The following DOCK6 variants were observed in gnomAD, a reference collection of about 807,000 sequenced individuals.
The protein encoded by DOCK6 is dedicator of cytokinesis 6, also known as dedicator of cytokinesis protein 6.
Under a neutral mutation model 230.3 loss-of-function variants are expected in DOCK6, and 167 were observed. The ratio of observed to expected loss-of-function variants is 0.73; its 90% CI spans 0.64 to 0.82. The LOEUF is 0.82. DOCK6 is among the 40% of genes least tolerant of loss of function. DOCK6 has a pLI of 0.00. For missense variants in DOCK6, 2,598 were observed against 2,825.8 expected (o/e 0.92, Z 1.83); for synonymous variants, 1,148 against 1,185.0 (o/e 0.97, Z 0.64).
In DOCK6 at chr19:11,200,817, G is replaced by A. The variant is rs886552931; in HGVS notation, c.5838C>T (p.Pro1946=). 59 of 1,612,496 alleles carry A rather than the reference G, an allele frequency of 3.7e-5. No homozygotes were observed. Among genetic ancestry groups the A allele is most frequent in the Non-Finnish European group, 5.0e-5 (59 of 1,178,828 alleles). The change falls in exon 46 of 48, where the codon CCC becomes CCT. Residue 1946 remains proline, a synonymous_variant. Coordinates refer to ENST00000294618, the MANE Select transcript of DOCK6 (RefSeq NM_020812.4). This position sits in a 1 kb window ranked among gnomAD's most constrained non-coding sequence, Gnocchi z 4.3. ...GSVGPTVNQG[P]LEVAQVFLAE... ...CTAAAAACACCTGGGCCACCTCCAG[G>A]GGACCCTGTGGGGTGAGAGGGACTG...
chr19:11,245,551 C>G lies in DOCK6; in HGVS notation c.1023+12G>C. 1 of 1,552,778 alleles carries G rather than the reference C, an allele frequency of 6.4e-7. No individual in the cohort carries two copies. The highest frequency in any genetic ancestry group is 8.7e-7 in the Non-Finnish European group (1 of 1,147,624). On this transcript the variant is annotated intron_variant, in intron 9 of 47. Transcript: ENST00000294618. ...CGCCATTACCACCCCCTTGCCCAGC[C>G]CCAGCAGGCACCTTGATGACCAGGA... is the stretch of plus-strand genomic sequence containing the variant.
At chr19:11,253,034 G>A (rs1377616734) in intron 2 of DOCK6, 76 bp from the exon 3 acceptor site, 32 of 1,431,488 alleles carry the variant, frequency 2.2e-5, no homozygotes, top group Middle Eastern at 1.8e-4. Context: ...GGGTGGGTGC[G>A]CGCTGGCTTC....
chr19:11,254,318 G>A (rs568574068), intron 1 of DOCK6, among the ~76,000 whole-genome samples: 14 of 152,332 alleles, frequency 9.2e-5, no homozygotes, highest in Admixed American at 3.3e-4. Flanking sequence ...CCCAGAGCTG[G>A]GAGGCCTTCT....
At chr19:11,205,281 G>A (rs1428912192) in intron 39 of DOCK6, among the ~76,000 whole-genome samples, 4 of 152,036 alleles carry the variant, frequency 2.6e-5, no homozygotes, top group African/African-American at 7.3e-5. Flanking sequence ...AGGTATACAC[G>A]TGCCATGGTG....
chr19:11,227,257 G>C lies in DOCK6; in HGVS notation c.2955+80C>G, dbSNP rs2079680252. 4.5e-6 allele frequency: 7 copies of C among 1,564,554 alleles called. No individual in the cohort carries two copies. The Middle Eastern group carries it at 5.1e-4, about 114-fold the overall frequency. ...CTGGTCTTACGGCCAGGAGACACTGGGCAGGATTGGCGCCCCCACCTGGCT... is the reference window on the plus strand; with the variant it reads ...CTGGTCTTACGGCCAGGAGACACTGCGCAGGATTGGCGCCCCCACCTGGCT... On this transcript the variant is annotated intron_variant, in intron 24 of 47. Transcript: ENST00000294618.
rs35111959 is a variant in DOCK6, at chr19:11,257,152, A to AATTATT, written c.45-3432_45-3427dup. 5.1e-3 allele frequency among the ~76,000 whole-genome samples: 750 copies of AATTATT among 146,668 alleles called. 8 individuals are homozygous for AATTATT. The highest frequency in any genetic ancestry group is 0.012 in the African/African-American group (487 of 40,038). On this transcript the variant is annotated intron_variant, in intron 1 of 47. Coordinates refer to ENST00000294618, the MANE Select transcript of DOCK6 (RefSeq NM_020812.4). Reference sequence around the variant, plus strand: ...CTGATGCACACCACCATGCTTGGCTAATTATTATTATTATTATTATTATTT... The same window carrying AATTATT: ...CTGATGCACACCACCATGCTTGGCTAATTATTATTATTATTATTATTATTATTATTT...
chr19:11,252,061 C>T, intron 5 of DOCK6, 58 bp downstream of exon 5: 2 of 1,559,366 alleles, frequency 1.3e-6, no homozygotes, highest in South Asian at 2.4e-5. Context: ...TGACCAAAAG[C>T]TGAGGCCGGA....
chr19:11,226,659 A>G (rs1169958393), intron 24 of DOCK6, among the ~76,000 whole-genome samples: 1 of 152,240 alleles, frequency 6.6e-6, no homozygotes, highest in Non-Finnish European at 1.5e-5. Flanking sequence ...ACTCTGTCTC[A>G]GAAAAAAAAC....
At chr19:11,248,253 T>A in intron 6 of DOCK6, 102 bp from the exon 7 acceptor site, 2 of 855,578 alleles carry the variant, frequency 2.3e-6, no homozygotes, top group Non-Finnish European at 3.6e-6. Flanking sequence ...CCAGCCTGAC[T>A]AACCGTCTTT....
rs2080156839 is a variant in DOCK6 at position 11,253,678 on chromosome 19, GCCACTGCGT to G, written c.84_92del (p.Glu28_Gly31delinsAsp). On this transcript the variant is annotated inframe_deletion, in exon 2 of 48. Coordinates refer to ENST00000294618, the MANE Select transcript of DOCK6 (RefSeq NM_020812.4). The stretch of plus-strand genomic sequence containing the variant: ...TGCAGCGCCTGCTGGAGTGGGGGGA[GCCACTGCGT>G]TCCCGGGACACCTGCTTCCGCACCT... 1 of 1,467,268 alleles carries G rather than the reference GCCACTGCGT, an allele frequency of 6.8e-7. No homozygotes were observed. Among genetic ancestry groups the G allele is most frequent in the Non-Finnish European group, 9.0e-7 (1 of 1,116,220 alleles). 90.9% of individuals were successfully genotyped at this position (1,467,268 alleles called of 1,614,324 possible). A position where few individuals can be genotyped will look rare whatever the true frequency, so the allele number is the denominator to read the frequency against.
Position 11,201,149 on chromosome 19 carries a change from G to A in DOCK6, c.5689-97C>T, listed in dbSNP as rs2079163175. ...GCTCAGACCCCGCTGGGAGTGAGAG[G>A]GGTCCAAGAACCCAGGCAATGAACA... On this transcript the variant is annotated intron_variant, in intron 44 of 47. Coordinates refer to ENST00000294618, the MANE Select transcript of DOCK6 (RefSeq NM_020812.4). The surrounding 1 kb of genome is among the most constrained non-coding windows in gnomAD (Gnocchi z 4.3). 1 of 1,468,986 alleles carries A rather than the reference G, an allele frequency of 6.8e-7. No individual in the cohort carries two copies. Among genetic ancestry groups the A allele is most frequent in the Non-Finnish European group, 9.2e-7 (1 of 1,082,862 alleles). The allele number at this position is 1,468,986 out of a possible 1,614,324, so 91.0% of individuals were successfully genotyped here. A position where few individuals can be genotyped will look rare whatever the true frequency, so the allele number is the denominator to read the frequency against.
At chr19:11,217,467 T>C in intron 28 of DOCK6, 76 bp from the exon 29 acceptor site, 1 of 1,539,978 alleles carries the variant, frequency 6.5e-7, no homozygotes, top group Non-Finnish European at 8.8e-7. Flanking sequence ...TCAGAAGTCT[T>C]CCCTCATGGC....
At chr19:11,227,581 A>C in intron 23 of DOCK6, 104 bp from the exon 24 acceptor site, 5 of 1,206,264 alleles carry the variant, frequency 4.1e-6, no homozygotes, top group African/African-American at 3.9e-5. Flanking sequence ...GGCTTGAAGG[A>C]CTGTGGGTGG....
chr19:11,233,403 C>T (rs1186243863), intron 21 of DOCK6, 37 bp from the exon 22 acceptor site: 1 of 1,596,974 alleles, frequency 6.3e-7, no homozygotes. Context: ...CACCCACCCA[C>T]CTGATGTGAT....
Position 11,214,539 on chromosome 19 carries a change from G to A in DOCK6, c.4203+14C>T, listed in dbSNP as rs1475647852. The A allele has an allele frequency of 3.1e-6, 5 of 1,613,710 alleles. No homozygotes were observed. The highest frequency in any genetic ancestry group is 3.4e-6 in the Non-Finnish European group (4 of 1,179,826). ...GGGCTCAGAGCACAAGGCAGATGCTGGATCAAGCCCTACCTGCACGATGAT... is the reference window on the plus strand; with the variant it reads ...GGGCTCAGAGCACAAGGCAGATGCTAGATCAAGCCCTACCTGCACGATGAT... On this transcript the variant is annotated intron_variant, in intron 33 of 47. Coordinates refer to ENST00000294618, the MANE Select transcript of DOCK6 (RefSeq NM_020812.4).
chr19:11,227,625 A>G (rs1479503748), intron 23 of DOCK6, 148 bp from the exon 24 acceptor site: 4 of 932,728 alleles, frequency 4.3e-6, no homozygotes, highest in Non-Finnish European at 6.2e-6. Context: ...GAGGCTTGAC[A>G]GGAGGGGCGG....
chr19:11,213,951 A>C (rs1485638539), intron 34 of DOCK6, among the ~76,000 whole-genome samples: 1 of 150,906 alleles, frequency 6.6e-6, no homozygotes, highest in African/African-American at 2.4e-5. Context: ...CACCACACTC[A>C]GTTTATTTTT....
In DOCK6 at chr19:11,233,335, T is replaced by A; in HGVS notation, c.2586A>T (p.Thr862=). 1 of 1,613,846 alleles carries A rather than the reference T, an allele frequency of 6.2e-7. No homozygotes were observed. The highest frequency in any genetic ancestry group is 8.5e-7 in the Non-Finnish European group (1 of 1,179,834). Residue 862 remains threonine (T), a synonymous_variant, in exon 22 of 48, where the codon ACA becomes ACT. Transcript: ENST00000294618. ...CGGGGCGACCAGAGCCACGGGCCAG[T>A]GTGGCAGCCTGCACTGTCACTGGAG... ...GAPPVTVQAA[T]LARGSGRPAS...
At position 11,208,896 on chromosome 19, in the gene DOCK6, C is replaced by T; in HGVS notation, c.4944+15G>A. 1 of 1,597,478 alleles carries T rather than the reference C, an allele frequency of 6.3e-7. No homozygotes were observed. Among genetic ancestry groups the T allele is most frequent in the South Asian group, 1.1e-5 (1 of 90,734 alleles). Reference sequence around the variant, plus strand: ...ACTCGTGCCGTCCGCCACCTGCCAACCCCTGGCCACTCACCTGGAAGGAAA... The same window carrying T: ...ACTCGTGCCGTCCGCCACCTGCCAATCCCTGGCCACTCACCTGGAAGGAAA... On this transcript the variant is annotated intron_variant, in intron 38 of 47. Coordinates refer to ENST00000294618, the MANE Select transcript of DOCK6 (RefSeq NM_020812.4).
Sources: gnomAD v4.1 joint callset for allele counts (sites outside exome capture counted in the v4.1 genomes callset) on GRCh38, gnomAD v4.1.1 for gene constraint, Gnocchi (gnomAD v3.1) non-coding constraint, MANE v1.5 for transcripts, NCBI Gene and HGNC (gene_info 2026-07-23, HGNC 2026-07-21) for gene names.